LIPI: variants seen among roughly 807,000 people sequenced by gnomAD.
LIPI encodes the protein lipase I, also known as lipase member I.
In LIPI, 59 loss-of-function variants were observed where a neutral mutation model predicts 50.6. The observed-to-expected ratio is 1.16, with a 90% confidence interval of 0.94 to 1.45. LIPI has a LOEUF of 1.45. LIPI is among the 40% of genes most tolerant of loss of function. The pLI is 0.00. For missense variants in LIPI, 586 were observed against 536.3 expected (o/e 1.09, Z -0.92); for synonymous variants, 203 against 178.2 (o/e 1.14, Z -1.11).
intron 1 of LIPI, among the ~76,000 whole-genome samples, chr21:14,193,632 T>C (rs765219408): frequency 5.7e-4 from 87 of 152,200 alleles, no homozygotes; most frequent in Non-Finnish European, 6.5e-4. Context: ...TTAAAATCTG[T>C]TACAAGAGAC....
chr21:14,208,923 T>C (rs2020295087), intron 1 of LIPI, among the ~76,000 whole-genome samples: 1 of 152,082 alleles, frequency 6.6e-6, no homozygotes, highest in Non-Finnish European at 1.5e-5. Context: ...TGGTGGTGTG[T>C]GCCTGCAGCC....
intron 4 of LIPI, among the ~76,000 whole-genome samples, chr21:14,171,612 G>A (rs1329261229): frequency 1.3e-5 from 2 of 150,652 alleles, no homozygotes; most frequent in Non-Finnish European, 1.5e-5. Flanking sequence ...ACAAGAAATG[G>A]GGAAAGGATT....
chr21:14,166,593 A>G (rs2018694423), intron 4 of LIPI, 142 bp from the exon 5 acceptor site: 1 of 647,844 alleles, frequency 1.5e-6, no homozygotes, highest in Admixed American at 2.7e-5. Context: ...TATAAAGATA[A>G]GTTTTTCTTC....
chr21:14,172,721 T>TG (rs2018960626), intron 4 of LIPI, among the ~76,000 whole-genome samples: 1 of 123,938 alleles, frequency 8.1e-6, no homozygotes, highest in African/African-American at 3.1e-5. Context: ...TGTTGTGGGG[T>TG]GGGGGAAGGG....
chr21:14,202,660 C>T (rs13051108), intron 1 of LIPI, among the ~76,000 whole-genome samples: 5 of 151,992 alleles, frequency 3.3e-5, no homozygotes, highest in Non-Finnish European at 5.9e-5. Context: ...ATCCCTTCCT[C>T]ACCCCTTATA....
At chr21:14,190,890 G>C (rs1320298799) in intron 1 of LIPI, among the ~76,000 whole-genome samples, 1 of 152,050 alleles carries the variant, frequency 6.6e-6, no homozygotes, top group Non-Finnish European at 1.5e-5. Context: ...TCCACTCCAA[G>C]CTAAAGTCAA....
intron 4 of LIPI, among the ~76,000 whole-genome samples, chr21:14,179,598 C>T (rs191522445): frequency 5.4e-4 from 82 of 152,276 alleles, no homozygotes; most frequent in African/African-American, 1.9e-3. Context: ...AAGTCAGGGA[C>T]CCCAAATAGA....
intron 1 of LIPI, among the ~76,000 whole-genome samples, chr21:14,195,598 C>G (rs1175331585): frequency 6.6e-6 from 1 of 152,040 alleles, no homozygotes; most frequent in African/African-American, 2.4e-5. Flanking sequence ...AGGCAAAGGA[C>G]TCTAAGATAC....
chr21:14,167,681 A>G (rs1359206152), intron 4 of LIPI, among the ~76,000 whole-genome samples: 1 of 152,186 alleles, frequency 6.6e-6, no homozygotes, highest in Non-Finnish European at 1.5e-5. Flanking sequence ...AAACTAACAA[A>G]CAGAAAGGAC....
chr21:14,193,499 G>A (rs1438069811), intron 1 of LIPI, among the ~76,000 whole-genome samples: 1 of 152,116 alleles, frequency 6.6e-6, no homozygotes, highest in Non-Finnish European at 1.5e-5. Flanking sequence ...TTACCTACAA[G>A]AGACTCAGTT....
At chr21:14,163,375 A>C in intron 7 of LIPI, 44 bp downstream of exon 7, 2 of 973,578 alleles carry the variant, frequency 2.1e-6, no homozygotes, top group Non-Finnish European at 1.7e-6. Context: ...TAGTGCAAAA[A>C]AAACTAAAAA....
chr21:14,146,838 G>A (rs2017926297), intron 8 of LIPI, among the ~76,000 whole-genome samples: 1 of 131,818 alleles, frequency 7.6e-6, no homozygotes. Context: ...GAGTGCAGTG[G>A]TGCAATCTCG....
At chr21:14,199,319 CA>C (rs374609477) in intron 1 of LIPI, among the ~76,000 whole-genome samples, 2,564 of 143,370 alleles carry the variant, frequency 0.018, 69 homozygotes, top group African/African-American at 0.061. Flanking sequence ...TGGTTTTCTG[CA>C]AAAAAAAATA....
intron 4 of LIPI, among the ~76,000 whole-genome samples, chr21:14,178,139 A>G (rs1015600946): frequency 1.3e-5 from 2 of 152,074 alleles, no homozygotes; most frequent in Non-Finnish European, 2.9e-5. Flanking sequence ...CTTTTCTGCA[A>G]TTCACTATCA....
chr21:14,114,336 C>T (rs1046154512), intron 9 of LIPI, among the ~76,000 whole-genome samples: 5 of 152,122 alleles, frequency 3.3e-5, no homozygotes, highest in Non-Finnish European at 7.3e-5. Flanking sequence ...CCCAAAATGG[C>T]TACAGGCCTG....
chr21:14,194,446 A>G (rs181587574), intron 1 of LIPI, among the ~76,000 whole-genome samples: 2 of 152,210 alleles, frequency 1.3e-5, no homozygotes, highest in African/African-American at 4.8e-5. Flanking sequence ...GTAGATATCT[A>G]GAATGGAATA....
chr21:14,135,894 A>C (rs1486682065), intron 9 of LIPI, among the ~76,000 whole-genome samples: 2 of 152,158 alleles, frequency 1.3e-5, no homozygotes, highest in Non-Finnish European at 1.5e-5. Flanking sequence ...GCTCCAAAAA[A>C]AGACCCCTTC....
At chr21:14,113,197 T>C (rs2016483994) in intron 9 of LIPI, among the ~76,000 whole-genome samples, 1 of 152,206 alleles carries the variant, frequency 6.6e-6, no homozygotes, top group African/African-American at 2.4e-5. Context: ...GTGATCTAAT[T>C]GAGAATTACT....
At chr21:14,170,550 C>T (rs1456799062) in intron 4 of LIPI, among the ~76,000 whole-genome samples, 2 of 152,214 alleles carry the variant, frequency 1.3e-5, no homozygotes, top group East Asian at 3.8e-4. Context: ...GCATGCAAGG[C>T]TGGTTCAATA....
Sources: gnomAD v4.1 joint callset for allele counts (sites outside exome capture counted in the v4.1 genomes callset) on GRCh38, gnomAD v4.1.1 for gene constraint, MANE v1.5 for transcripts, NCBI Gene and HGNC (gene_info 2026-07-23, HGNC 2026-07-21) for gene names.